The following PI15 variants were observed in gnomAD, a reference collection of about 807,000 sequenced individuals.
The protein encoded by PI15 is 25 kDa trypsin inhibitor.
Under a neutral mutation model 31.0 loss-of-function variants are expected in PI15, and 18 were observed. The observed-to-expected ratio is 0.58, with a 90% CI of 0.40 to 0.86. PI15 has a LOEUF of 0.86. Ranked by LOEUF, PI15 falls within the 40% of genes least tolerant of loss-of-function variation. The pLI is 0.00. For synonymous variants in PI15, 118 were observed against 119.1 expected, an observed-to-expected ratio of 0.99 and a Z score of 0.06; for missense variants, 282 against 328.1, an observed-to-expected ratio of 0.86 and a Z score of 1.09.
At chr8:74,840,452 A>C (rs993688727) in intron 2 of PI15, among the ~76,000 whole-genome samples, 4 of 152,200 alleles carry the variant, frequency 2.6e-5, no homozygotes, top group Admixed American at 2.0e-4. Context: ...CATAGTAATA[A>C]ATTGAAATAA....
At chr8:74,845,082 T>A (rs771384443) in intron 3 of PI15, 46 bp from the exon 4 acceptor site, 1 of 1,542,586 alleles carries the variant, frequency 6.5e-7, no homozygotes, top group Non-Finnish European at 9.0e-7. Flanking sequence ...GTCCCTTATA[T>A]ATTACCACTG....
chr8:74,825,403 G>T lies in PI15; in HGVS notation c.154G>T (p.Asp52Tyr). ...AALKAQLDSA[D>Y]IPKARRKRYI... is the part of the protein sequence containing the mutation. ...TCTGAAAGCACAATTAGATTCAGCG[G>T]ATATCCCCAAAGCCAGGCGGAAGCG... The change falls in exon 2 of 6, where the codon GAT (aspartate) becomes TAT (tyrosine). Residue 52 changes from aspartate to tyrosine, a missense_variant. By Grantham distance (160) the Asp-to-Tyr change is radical. Transcript: ENST00000260113. The T allele has an allele frequency of 6.2e-7, 1 of 1,613,410 alleles. No homozygotes were observed. The highest frequency in any genetic ancestry group is 8.5e-7 in the Non-Finnish European group (1 of 1,179,592).
At position 74,844,090 on chromosome 8, in the gene PI15, G is replaced by A. The variant is rs200713288; in HGVS notation, c.383G>A (p.Arg128His). Residue 128 changes from arginine to histidine, a missense_variant, in exon 3 of 6, where the codon CGC becomes CAC. Physicochemically the swap from Arg to His is conservative, Grantham distance 29. Coordinates refer to ENST00000260113, the MANE Select transcript of PI15 (RefSeq NM_015886.5). ...LRFLGQNLSV[R>H]TGRYRSILQL... The stretch of plus-strand genomic sequence containing the variant: ...TTTTTGGGCCAAAATCTATCTGTAC[G>A]CACTGGAAGGTAGGAAGTAATTTCA... 6.2e-5 allele frequency: 87 copies of A among 1,412,248 alleles called. No homozygotes were observed. The highest frequency in any genetic ancestry group is 1.8e-4 in the Middle Eastern group (1 of 5,702). 87.5% of individuals were successfully genotyped at this position (1,412,248 alleles called of 1,614,324 possible). A position where few individuals can be genotyped will look rare whatever the true frequency, so the allele number is the denominator to read the frequency against.
rs111589028 is a variant in PI15, at chr8:74,833,043, C to T, written c.273+7521C>T. The stretch of plus-strand genomic sequence containing the variant: ...ATGTTTTCAGCAGGCCGTAGGTAGG[C>T]GGGAAGGCATTTGAATCCTTCTGAC... On this transcript the variant is annotated intron_variant, in intron 2 of 5. Transcript: ENST00000260113. Among the ~76,000 whole-genome samples, 1,255 of 152,158 alleles carry T rather than the reference C, an allele frequency of 8.2e-3. 17 individuals are homozygous for T. The highest frequency in any genetic ancestry group is 0.029 in the African/African-American group (1,195 of 41,520).
intron 2 of PI15, among the ~76,000 whole-genome samples, chr8:74,842,668 T>G (rs866416024): frequency 3.9e-5 from 6 of 152,310 alleles, no homozygotes; most frequent in African/African-American, 1.4e-4. Context: ...ATGCTAGACT[T>G]GATTTCCTCT....
chr8:74,845,912 CCTTCT>C (rs1480490568), intron 5 of PI15: 1 of 158,046 alleles, frequency 6.3e-6, no homozygotes, highest in African/African-American at 2.4e-5. Context: ...ATTCCTTCTT[CCTTCT>C]CTTATTTTTT....
At position 74,833,310 on chromosome 8, in the gene PI15, G is replaced by T. The variant is rs984813630; in HGVS notation, c.273+7788G>T. Among the ~76,000 whole-genome samples, 38 of 152,010 alleles carry T rather than the reference G, an allele frequency of 2.5e-4. 1 individual carries two copies. Among genetic ancestry groups the T allele is most frequent in the African/African-American group, 8.0e-4 (33 of 41,400 alleles). On this transcript the variant is annotated intron_variant, in intron 2 of 5. Transcript: ENST00000260113. ...GTCTTAAAATTTAAAGCTAAAACAT[G>T]TATTAAAGAGGGATCTACAGAGATG...
intron 2 of PI15, among the ~76,000 whole-genome samples, chr8:74,832,357 G>C (rs572595182): frequency 6.6e-6 from 1 of 152,182 alleles, no homozygotes; most frequent in African/African-American, 2.4e-5. Context: ...TAGCTAGTGT[G>C]GGGGAAGGAA....
chr8:74,831,175 G>A (rs1265314875), intron 2 of PI15, among the ~76,000 whole-genome samples: 1 of 152,164 alleles, frequency 6.6e-6, no homozygotes, highest in East Asian at 1.9e-4. Context: ...TCTGAAAAAT[G>A]CAAATGTAAA....
Position 74,851,894 on chromosome 8 carries a change from C to G in PI15, c.*2641C>G, listed in dbSNP as rs1811113496. ...TACAAGTTTATTTATAATTTAACAA[C>G]TCAGCTGAAAATATAACGGGTATAT... On this transcript the variant is annotated 3_prime_UTR_variant, in exon 6 of 6. Transcript: ENST00000260113. The G allele has an allele frequency of 6.6e-6, 1 of 152,082 alleles. No individual in the cohort carries two copies. Among genetic ancestry groups the G allele is most frequent in the Non-Finnish European group, 1.5e-5 (1 of 67,954 alleles). 9.4% of individuals were successfully genotyped at this position (152,082 alleles called of 1,614,324 possible). A position where few individuals can be genotyped will look rare whatever the true frequency, so the allele number is the denominator to read the frequency against.
intron 3 of PI15, 77 bp from the exon 4 acceptor site, chr8:74,845,051 T>C: frequency 1.6e-6 from 2 of 1,227,794 alleles, no homozygotes; most frequent in East Asian, 4.6e-5. Context: ...AAAAGAACAA[T>C]CAATTTACAG....
chr8:74,848,656 T>C (rs1278941366), intron 5 of PI15, among the ~76,000 whole-genome samples: 2 of 149,526 alleles, frequency 1.3e-5, no homozygotes, highest in African/African-American at 4.9e-5. Context: ...TTCTTATCTG[T>C]AAATTAATAT....
chr8:74,843,964 A>G lies in PI15; in HGVS notation c.274-17A>G. ...ATCAGCAAATTCCGTAACGCTGAAG[A>G]TTTTTTTCCCCTACAGGTTTGGGAT... On this transcript the variant is annotated splice_polypyrimidine_tract_variant and intron_variant, in intron 2 of 5. Transcript: ENST00000260113. 1 of 1,251,322 alleles carries G rather than the reference A, an allele frequency of 8.0e-7. No homozygotes were observed. Among genetic ancestry groups the G allele is most frequent in the Non-Finnish European group, 1.2e-6 (1 of 848,704 alleles). 77.5% of individuals were successfully genotyped at this position (1,251,322 alleles called of 1,614,324 possible).
At chr8:74,840,015 G>T (rs112041307) in intron 2 of PI15, among the ~76,000 whole-genome samples, 5 of 152,034 alleles carry the variant, frequency 3.3e-5, no homozygotes, top group African/African-American at 1.2e-4. Flanking sequence ...AGAGCTTCCC[G>T]ATAGGAAAGA....
chr8:74,829,591 TATGAGAGAAAGAG>T (rs1810751139), intron 2 of PI15, among the ~76,000 whole-genome samples: 2 of 151,892 alleles, frequency 1.3e-5, no homozygotes, highest in South Asian at 2.1e-4. Context: ...GAGGTCCCTC[TATGAGAGAAAGAG>T]ATCCAAAGAA....
At position 74,849,108 on chromosome 8, in the gene PI15, T is replaced by G. The variant is rs1811067885; in HGVS notation, c.642-10T>G. 6.2e-7 allele frequency: 1 copy of G among 1,607,008 alleles called. No homozygotes were observed. The highest frequency in any genetic ancestry group is 2.2e-5 in the East Asian group (1 of 44,734). Reference sequence around the variant, plus strand: ...TGCACTAATGCTATCTTTTTTGTTTTCCCTTCTAGGGGCAATTGGATTGGA... The same window carrying G: ...TGCACTAATGCTATCTTTTTTGTTTGCCCTTCTAGGGGCAATTGGATTGGA... On this transcript the variant is annotated splice_polypyrimidine_tract_variant and intron_variant, in intron 5 of 5. Transcript: ENST00000260113.
At chr8:74,827,363 T>C (rs1338145130) in intron 2 of PI15, among the ~76,000 whole-genome samples, 7 of 152,146 alleles carry the variant, frequency 4.6e-5, no homozygotes, top group South Asian at 2.1e-4. Context: ...TATAAGTAGG[T>C]TGAAAAAAGC....
chr8:74,824,980 C>T, intron 1 of PI15: 1 of 425,128 alleles, frequency 2.4e-6, no homozygotes, highest in African/African-American at 2.0e-5. Context: ...AGTGGTCATG[C>T]TGTTTATTTT....
intron 2 of PI15, among the ~76,000 whole-genome samples, chr8:74,843,774 G>A (rs747511513): frequency 6.6e-6 from 1 of 152,122 alleles, no homozygotes; most frequent in African/African-American, 2.4e-5. Flanking sequence ...TGAGACAGGA[G>A]AATTGCTTGA....
Sources: gnomAD v4.1 joint callset for allele counts (sites outside exome capture counted in the v4.1 genomes callset) on GRCh38, gnomAD v4.1.1 for gene constraint, MANE v1.5 for transcripts, NCBI Gene and HGNC (gene_info 2026-07-23, HGNC 2026-07-21) for gene names.